OTUD7A: variants seen among roughly 807,000 people sequenced by gnomAD.
OTUD7A encodes the protein OTU domain-containing protein 7A.
A neutral mutation model predicts 65.7 loss-of-function variants in OTUD7A; 12 were observed. The ratio of observed to expected loss-of-function variants is 0.18; its 90% CI spans 0.12 to 0.30. The LOEUF is 0.30. OTUD7A is among the 10% of genes least tolerant of loss of function. OTUD7A has a pLI of 1.00. For missense variants in OTUD7A, 1,148 were observed against 1,304.8 expected (o/e 0.88, Z 1.85); for synonymous variants, 641 against 586.3 (o/e 1.09, Z -1.35).
intron 1 of OTUD7A, chr15:31,766,604 A>C: frequency 6.2e-7 from 1 of 1,609,986 alleles, no homozygotes; most frequent in Non-Finnish European, 8.5e-7. Context: ...CCACTGGTGT[A>C]TTGATAATAA....
At chr15:31,854,052 A>G (rs551859134) in intron 1 of OTUD7A, among the ~76,000 whole-genome samples, 3 of 152,352 alleles carry the variant, frequency 2.0e-5, no homozygotes, top group South Asian at 2.1e-4. Flanking sequence ...AGTGGTTTCA[A>G]GCAATATAAA....
In OTUD7A at chr15:31,483,547, G is replaced by A. The variant is rs2041170819; in HGVS notation, c.2549C>T (p.Ala850Val). ...ALPGAAGTAG[A>V]AEHKSQTYTN... ...GTAGGTCTGCGACTTGTGCTCGGCC[G>A]CCCCCGCCGTCCCCGCCGCGCCCGG... Residue 850 changes from alanine to valine, a missense_variant, in exon 13 of 13, where the codon GCG becomes GTG. By Grantham distance (64) the Ala-to-Val change is moderately conservative. Coordinates refer to ENST00000307050, the MANE Select transcript of OTUD7A (RefSeq NM_001382637.1). 5.3e-6 allele frequency: 7 copies of A among 1,321,506 alleles called. No individual in the cohort carries two copies. The highest frequency in any genetic ancestry group is 1.8e-5 in the South Asian group (1 of 56,382). The allele number at this position is 1,321,506 out of a possible 1,614,324, so 81.9% of individuals were successfully genotyped here. A position where few individuals can be genotyped will look rare whatever the true frequency, so the allele number is the denominator to read the frequency against.
At chr15:31,864,447 C>A (rs1258398037) in intron 1 of OTUD7A, among the ~76,000 whole-genome samples, 2 of 151,992 alleles carry the variant, frequency 1.3e-5, no homozygotes, top group Admixed American at 1.3e-4. Context: ...CGGCAGGGAG[C>A]GAAAGGCACT....
At chr15:31,841,926 T>C (rs1897192057) in intron 1 of OTUD7A, among the ~76,000 whole-genome samples, 1 of 152,188 alleles carries the variant, frequency 6.6e-6, no homozygotes, top group Non-Finnish European at 1.5e-5. Flanking sequence ...TGGCAGAATA[T>C]GCTTTAGAAT....
intron 6 of OTUD7A, among the ~76,000 whole-genome samples, chr15:31,529,417 CT>C (rs1328390319): frequency 2.0e-5 from 3 of 152,156 alleles, no homozygotes; most frequent in Non-Finnish European, 4.4e-5. Context: ...ATCATTTCAC[CT>C]GAAGAACAGA....
rs1386461738 is a variant in OTUD7A at position 31,475,875 on chromosome 15, ATCAG to A, written c.*7415_*7418del. ...ATAAAGCAACATATATCATCCAAAA[ATCAG>A]TCAAAGAAACCAAAAAAGAAAAAAG... On this transcript the variant is annotated 3_prime_UTR_variant, in exon 13 of 13. Coordinates refer to ENST00000307050, the MANE Select transcript of OTUD7A (RefSeq NM_001382637.1). The A allele has an allele frequency of 3.3e-5, 5 of 152,256 alleles. No homozygotes were observed. The East Asian group carries it at 9.6e-4, about 29-fold the overall frequency. The allele number at this position is 152,256 out of a possible 1,614,324, so 9.4% of individuals were successfully genotyped here.
intron 6 of OTUD7A, among the ~76,000 whole-genome samples, chr15:31,530,068 C>T (rs1432019067): frequency 2.6e-5 from 4 of 152,112 alleles, no homozygotes; most frequent in Middle Eastern, 3.2e-3. Context: ...TTTGTGTGAT[C>T]GGGAAGCTCA....
Position 31,717,960 on chromosome 15 carries a change from G to A in OTUD7A, c.-99-60883C>T, listed in dbSNP as rs376568999. On this transcript the variant is annotated intron_variant, in intron 1 of 12. Coordinates refer to ENST00000307050, the MANE Select transcript of OTUD7A (RefSeq NM_001382637.1). Reference sequence around the variant, plus strand: ...AACTGGTGAGAGATGGTATCCTTGGGCAGAGTTCAGTCTATCATTCTGCAA... The same window carrying A: ...AACTGGTGAGAGATGGTATCCTTGGACAGAGTTCAGTCTATCATTCTGCAA... Among the ~76,000 whole-genome samples, 9 of 152,258 alleles carry A rather than the reference G, an allele frequency of 5.9e-5. No homozygotes were observed. In the East Asian group the frequency reaches 1.5e-3, roughly 26 times the overall value.
At chr15:31,775,077 T>C (rs1047774079) in intron 1 of OTUD7A, among the ~76,000 whole-genome samples, 1 of 139,918 alleles carries the variant, frequency 7.1e-6, no homozygotes, top group African/African-American at 2.7e-5. Context: ...TACGCTCCCA[T>C]GTCCATGCAT....
intron 1 of OTUD7A, among the ~76,000 whole-genome samples, chr15:31,868,432 A>C (rs924661208): frequency 1.3e-5 from 2 of 152,248 alleles, no homozygotes; most frequent in Non-Finnish European, 2.9e-5. Context: ...CCATTTTCAA[A>C]GAGTTTGCAA....
chr15:31,841,543 C>T (rs1897183154), intron 1 of OTUD7A, among the ~76,000 whole-genome samples: 2 of 152,014 alleles, frequency 1.3e-5, no homozygotes, highest in South Asian at 2.1e-4. Context: ...GCATGTGCTC[C>T]GCTGGTGGAT....
intron 1 of OTUD7A, among the ~76,000 whole-genome samples, chr15:31,815,955 C>G (rs907659028): frequency 6.6e-6 from 1 of 152,218 alleles, no homozygotes; most frequent in African/African-American, 2.4e-5. Context: ...TGGTGACTTA[C>G]ACCATTCGCC....
At chr15:31,710,920 G>A (rs375552011) in intron 1 of OTUD7A, among the ~76,000 whole-genome samples, 21 of 151,470 alleles carry the variant, frequency 1.4e-4, no homozygotes, top group Middle Eastern at 3.4e-3. Flanking sequence ...TGTCCTCCCA[G>A]GTATTCCCAT....
chr15:31,640,097 A>T (rs913053324), intron 3 of OTUD7A, among the ~76,000 whole-genome samples: 1 of 152,232 alleles, frequency 6.6e-6, no homozygotes, highest in Non-Finnish European at 1.5e-5. Context: ...CAAGGTTAAA[A>T]AGATTTTCTC....
At chr15:31,535,674 G>GTTTTTTTTTTT (rs55826357) in intron 5 of OTUD7A, among the ~76,000 whole-genome samples, 4 of 111,998 alleles carry the variant, frequency 3.6e-5, no homozygotes, top group Non-Finnish European at 5.4e-5. Flanking sequence ...TTCTGTTTTT[G>GTTTTTTTTTTT]TTTTTTTTTT....
At chr15:31,802,209 G>A (rs1033928552) in intron 1 of OTUD7A, among the ~76,000 whole-genome samples, 1 of 150,984 alleles carries the variant, frequency 6.6e-6, no homozygotes, top group Non-Finnish European at 1.5e-5. Flanking sequence ...CCCACAATAG[G>A]CCGTCTGCAG....
At chr15:31,683,108 G>C (rs1892756448) in intron 1 of OTUD7A, among the ~76,000 whole-genome samples, 1 of 152,288 alleles carries the variant, frequency 6.6e-6, no homozygotes, top group East Asian at 1.9e-4. Flanking sequence ...CACAAATACA[G>C]GAGAATTTCA....
chr15:31,771,651 C>A (rs1278197710), intron 1 of OTUD7A, among the ~76,000 whole-genome samples: 1 of 152,174 alleles, frequency 6.6e-6, no homozygotes, highest in East Asian at 1.9e-4. Context: ...AGAACCTTAT[C>A]TCCATCTCCA....
chr15:31,680,257 A>T (rs959694372), intron 1 of OTUD7A, among the ~76,000 whole-genome samples: 1 of 152,114 alleles, frequency 6.6e-6, no homozygotes, highest in African/African-American at 2.4e-5. Context: ...TAGAATACAC[A>T]TTTTAATATA....
Sources: allele counts gnomAD v4.1 joint callset (sites outside exome capture counted in the v4.1 genomes callset), GRCh38; gene constraint gnomAD v4.1.1; transcripts MANE v1.5; gene names NCBI Gene and HGNC (gene_info 2026-07-23, HGNC 2026-07-21).